Variants in EXOSC6 observed in about 807,000 individuals in gnomAD.
EXOSC6 encodes exosome complex component MTR3.
In EXOSC6, 21 loss-of-function variants were observed where a neutral mutation model predicts 16.7. The ratio of observed to expected loss-of-function variants is 1.26; its 90% CI spans 0.89 to 1.82. EXOSC6 has a LOEUF of 1.82. Ranked by LOEUF, EXOSC6 falls within the 40% of genes most tolerant of loss-of-function variation. EXOSC6 has a pLI of 0.00. For synonymous variants in EXOSC6, 297 were observed against 217.1 expected (o/e 1.37, Z -3.24); for missense variants, 538 against 415.7 (o/e 1.29, Z -2.56).
Position 70,250,891 on chromosome 16 carries a change from CT to C in EXOSC6, c.*190del. On this transcript the variant is annotated 3_prime_UTR_variant, in exon 1 of 1. Transcript: ENST00000435634. ...AGCTCCAGGGGCTGTTGAGTTTTGC[CT>C]TTATCATTCCAAGTAGTCCCTGCTC... is the stretch of plus-strand genomic sequence containing the variant. The C allele has an allele frequency of 1.6e-6, 1 of 638,444 alleles. No homozygotes were observed. 39.5% of individuals were successfully genotyped at this position (638,444 alleles called of 1,614,324 possible). A position where few individuals can be genotyped will look rare whatever the true frequency, so the allele number is the denominator to read the frequency against.
In EXOSC6 at chr16:70,251,847, C is replaced by T. The variant is rs753992975; in HGVS notation, c.54G>A (p.Gln18=). Residue 18 remains glutamine, a synonymous_variant, in exon 1 of 1, where the codon CAG becomes CAA. Coordinates refer to ENST00000435634, the MANE Select transcript of EXOSC6 (RefSeq NM_058219.3). The part of the protein sequence containing the change: ...IRGPEESQPP[Q]LYAADEEEAP... ...CCTCCTCCTCGTCGGCCGCGTACAGCTGCGGCGGCTGCGATTCTTCAGGGC... is the reference window on the plus strand; with the variant it reads ...CCTCCTCCTCGTCGGCCGCGTACAGTTGCGGCGGCTGCGATTCTTCAGGGC... The T allele has an allele frequency of 1.4e-5, 21 of 1,553,378 alleles. No homozygotes were observed. The highest frequency in any genetic ancestry group is 1.7e-5 in the Non-Finnish European group (20 of 1,160,068).
At position 70,248,651 on chromosome 16, in the gene EXOSC6, A is replaced by C. The variant is rs935921723; in HGVS notation, c.*2431T>G. ...GATAGGGTTGCCTATAATGGAGTGCAGTAGCTTGACCATAGCTCACTGTAG... is the reference window on the plus strand; with the variant it reads ...GATAGGGTTGCCTATAATGGAGTGCCGTAGCTTGACCATAGCTCACTGTAG... On this transcript the variant is annotated 3_prime_UTR_variant, in exon 1 of 1. Transcript: ENST00000435634. 5.9e-5 allele frequency: 9 copies of C among 152,070 alleles called. No individual in the cohort carries two copies. Among genetic ancestry groups the C allele is most frequent in the African/African-American group, 2.2e-4 (9 of 41,398 alleles). 9.4% of individuals were successfully genotyped at this position (152,070 alleles called of 1,614,324 possible). A position where few individuals can be genotyped will look rare whatever the true frequency, so the allele number is the denominator to read the frequency against.
In EXOSC6 at chr16:70,251,144, G is replaced by T. The variant is rs1469535817; in HGVS notation, c.757C>A (p.Pro253Thr). The T allele has an allele frequency of 6.5e-7, 1 of 1,538,426 alleles. No individual in the cohort carries two copies. The highest frequency in any genetic ancestry group is 2.6e-5 in the East Asian group (1 of 38,772). Residue 253 changes from proline to threonine, a missense_variant, in exon 1 of 1, where the codon CCC becomes ACC. Physicochemically the swap from Pro to Thr is conservative, Grantham distance 38. Transcript: ENST00000435634. ...LGLEGCQRLYPVLQQSLVRAA... is the reference protein window; with the variant it reads ...LGLEGCQRLYTVLQQSLVRAA... ...CGCACCAGGCTCTGCTGCAGCACGGGGTAGAGGCGCTGGCAGCCCTCGAGG... is the reference window on the plus strand; with the variant it reads ...CGCACCAGGCTCTGCTGCAGCACGGTGTAGAGGCGCTGGCAGCCCTCGAGG...
In EXOSC6 at chr16:70,249,366, C is replaced by G. The variant is rs1187442857; in HGVS notation, c.*1716G>C. 1 of 150,826 alleles carries G rather than the reference C, an allele frequency of 6.6e-6. No individual in the cohort carries two copies. The highest frequency in any genetic ancestry group is 1.9e-4 in the East Asian group (1 of 5,174). The allele number at this position is 150,826 out of a possible 1,614,324, so 9.3% of individuals were successfully genotyped here. On this transcript the variant is annotated 3_prime_UTR_variant, in exon 1 of 1. Coordinates refer to ENST00000435634, the MANE Select transcript of EXOSC6 (RefSeq NM_058219.3). ...TGAGCCGAGATCATGCCACTGCACT[C>G]CAGGCTGGACAACAGAGCAAGACTC...
Position 70,251,784 on chromosome 16 carries a change from C to T in EXOSC6, c.117G>A (p.Val39=), listed in dbSNP as rs554205982. The T allele has an allele frequency of 2.0e-6, 3 of 1,471,836 alleles. No individual in the cohort carries two copies. Among genetic ancestry groups the T allele is most frequent in the Non-Finnish European group, 1.8e-6 (2 of 1,122,548 alleles). The allele number at this position is 1,471,836 out of a possible 1,614,324, so 91.2% of individuals were successfully genotyped here. ...GTRDPTRLRP[V]YARAGLLSQA... is the part of the protein sequence containing the mutation. ...GGCTCAGCAGCCCGGCGCGCGCGTA[C>T]ACGGGCCGTAGCCGCGTTGGGTCGC... The change falls in exon 1 of 1, where the codon GTG becomes GTA. Residue 39 remains valine (V), a synonymous_variant. Coordinates refer to ENST00000435634, the MANE Select transcript of EXOSC6 (RefSeq NM_058219.3).
chr16:70,251,546 C>T lies in EXOSC6; in HGVS notation c.355G>A (p.Glu119Lys). The T allele has an allele frequency of 2.5e-6, 3 of 1,201,854 alleles. No individual in the cohort carries two copies. Among genetic ancestry groups the T allele is most frequent in the Non-Finnish European group, 3.1e-6 (3 of 967,828 alleles). The allele number at this position is 1,201,854 out of a possible 1,614,324, so 74.4% of individuals were successfully genotyped here. Residue 119 changes from glutamate to lysine, a missense_variant, in exon 1 of 1, where the codon GAG (glutamate) becomes AAG (lysine). By Grantham distance (56) the Glu-to-Lys change is moderately conservative (BLOSUM62 1). Coordinates refer to ENST00000435634, the MANE Select transcript of EXOSC6 (RefSeq NM_058219.3). ...RRRAPPGGCE[E>K]RELALALQEA... ...TGCAGCGCCAGCGCCAGCTCACGCT[C>T]CTCGCAGCCGCCCGGGGGAGCGCGG...
rs537566605 is a variant in EXOSC6, at chr16:70,251,525, G to T, written c.376C>A (p.Leu126Met). ...GCEERELALALQEALEPAVRL... is the reference protein window; with the variant it reads ...GCEERELALAMQEALEPAVRL... ...ACAGCCGGCTCCAGCGCCTCCTGCA[G>T]CGCCAGCGCCAGCTCACGCTCCTCG... Residue 126 changes from leucine (L) to methionine (M), a missense_variant, in exon 1 of 1, where the codon CTG becomes ATG. Leu to Met is a conservative substitution (Grantham distance 15). Transcript: ENST00000435634. 3 of 1,243,982 alleles carry T rather than the reference G, an allele frequency of 2.4e-6. No individual in the cohort carries two copies. The highest frequency in any genetic ancestry group is 2.6e-5 in the South Asian group (1 of 37,946). The allele number at this position is 1,243,982 out of a possible 1,614,324, so 77.1% of individuals were successfully genotyped here. A position where few individuals can be genotyped will look rare whatever the true frequency, so the allele number is the denominator to read the frequency against.
At position 70,251,311 on chromosome 16, in the gene EXOSC6, A is replaced by C. The variant is rs944342016; in HGVS notation, c.590T>G (p.Leu197Arg). ...LAPGPAPTWL[L>R]DPTRLEEERA... is the part of the protein sequence containing the mutation. ...CTCTTCCTCGAGCCGCGTGGGGTCC[A>C]GGAGCCAGGTGGGCGCGGGCCCCGG... Residue 197 changes from leucine (L) to arginine (R), a missense_variant, in exon 1 of 1, where the codon CTG becomes CGG. Coordinates refer to ENST00000435634, the MANE Select transcript of EXOSC6 (RefSeq NM_058219.3). 2.9e-6 allele frequency: 4 copies of C among 1,401,330 alleles called. No homozygotes were observed. The African/African-American group carries it at 6.0e-5, about 21-fold the overall frequency. The allele number at this position is 1,401,330 out of a possible 1,614,324, so 86.8% of individuals were successfully genotyped here.
In EXOSC6 at chr16:70,248,504, G is replaced by C. The variant is rs1014349267; in HGVS notation, c.*2578C>G. On this transcript the variant is annotated 3_prime_UTR_variant, in exon 1 of 1. Transcript: ENST00000435634. ...GAAAATGTTCATAATTATGCATGCAGAATAAGCCCAAGCTGGTGGCATTCT... is the reference window on the plus strand; with the variant it reads ...GAAAATGTTCATAATTATGCATGCACAATAAGCCCAAGCTGGTGGCATTCT... The C allele has an allele frequency of 5.3e-5, 8 of 152,272 alleles. No homozygotes were observed. Among genetic ancestry groups the C allele is most frequent in the Admixed American group, 4.6e-4 (7 of 15,292 alleles). The allele number at this position is 152,272 out of a possible 1,614,324, so 9.4% of individuals were successfully genotyped here. A position where few individuals can be genotyped will look rare whatever the true frequency, so the allele number is the denominator to read the frequency against.
Position 70,247,087 on chromosome 16 carries a change from T to C in EXOSC6, c.*3995A>G. 3.0e-6 allele frequency: 1 copy of C among 334,046 alleles called. No homozygotes were observed. The highest frequency in any genetic ancestry group is 5.7e-6 in the Non-Finnish European group (1 of 175,272). 20.7% of individuals were successfully genotyped at this position (334,046 alleles called of 1,614,324 possible). A position where few individuals can be genotyped will look rare whatever the true frequency, so the allele number is the denominator to read the frequency against. On this transcript the variant is annotated 3_prime_UTR_variant, in exon 1 of 1. Transcript: ENST00000435634. ...ACCAAGAAAAATAGATTCTGTAGTT[T>C]TAGTTAAAAAAAAAATTGACTTGTA...
At position 70,251,520 on chromosome 16, in the gene EXOSC6, CT is replaced by C; in HGVS notation, c.380del (p.Gln127ArgfsTer93). On this transcript the variant is annotated frameshift_variant, in exon 1 of 1. Transcript: ENST00000435634. LOFTEE classifies it high-confidence loss of function. ...CEERELALAL[Q>X]EALEPAVRLG... ...GGCGCACAGCCGGCTCCAGCGCCTC[CT>C]GCAGCGCCAGCGCCAGCTCACGCTC... The C allele has an allele frequency of 7.9e-7, 1 of 1,258,508 alleles. No individual in the cohort carries two copies. Among genetic ancestry groups the C allele is most frequent in the Non-Finnish European group, 1.0e-6 (1 of 998,798 alleles). 78.0% of individuals were successfully genotyped at this position (1,258,508 alleles called of 1,614,324 possible). A position where few individuals can be genotyped will look rare whatever the true frequency, so the allele number is the denominator to read the frequency against.
In EXOSC6 at chr16:70,249,719, G is replaced by A. The variant is rs1959764550; in HGVS notation, c.*1363C>T. 2 of 152,290 alleles carry A rather than the reference G, an allele frequency of 1.3e-5. No homozygotes were observed. Among genetic ancestry groups the A allele is most frequent in the South Asian group, 2.1e-4 (1 of 4,822 alleles). The allele number at this position is 152,290 out of a possible 1,614,324, so 9.4% of individuals were successfully genotyped here. On this transcript the variant is annotated 3_prime_UTR_variant, in exon 1 of 1. Coordinates refer to ENST00000435634, the MANE Select transcript of EXOSC6 (RefSeq NM_058219.3). Reference sequence around the variant, plus strand: ...AAATCTTATAACTTTGGGAGGCTGAGGCAGATGGATCACTGAGATCAGGAG... The same window carrying A: ...AAATCTTATAACTTTGGGAGGCTGAAGCAGATGGATCACTGAGATCAGGAG...
Position 70,251,415 on chromosome 16 carries a change from G to A in EXOSC6, c.486C>T (p.Leu162=). 1 of 1,337,920 alleles carries A rather than the reference G, an allele frequency of 7.5e-7. No individual in the cohort carries two copies. The highest frequency in any genetic ancestry group is 9.5e-7 in the Non-Finnish European group (1 of 1,051,362). 82.9% of individuals were successfully genotyped at this position (1,337,920 alleles called of 1,614,324 possible). The stretch of plus-strand genomic sequence containing the variant: ...CGGCCAGGGCGAGCGCGGCGGCGGT[G>A]AGCGCGGCGGCCAGGGCCGAGCCAC... ...EDGGSALAAA[L]TAAALALADA... Residue 162 remains leucine, a synonymous_variant, in exon 1 of 1, where the codon CTC becomes CTT. Transcript: ENST00000435634.
In EXOSC6 at chr16:70,248,771, C is replaced by CTTTTT. The variant is rs35401075; in HGVS notation, c.*2306_*2310dup. ...CACCATGCCTGACTTATTTTTTTTC[C>CTTTTT]TTTTTTTTTTTTTTTTTTTTTTTTG... On this transcript the variant is annotated 3_prime_UTR_variant, in exon 1 of 1. Coordinates refer to ENST00000435634, the MANE Select transcript of EXOSC6 (RefSeq NM_058219.3). The CTTTTT allele has an allele frequency of 2.9e-4, 28 of 98,112 alleles. No homozygotes were observed. Among genetic ancestry groups the CTTTTT allele is most frequent in the African/African-American group, 3.7e-4 (11 of 29,466 alleles). 6.1% of individuals were successfully genotyped at this position (98,112 alleles called of 1,614,324 possible).
Position 70,250,987 on chromosome 16 carries a change from TC to T in EXOSC6, c.*94del, listed in dbSNP as rs1407660403. 4.3e-6 allele frequency: 6 copies of T among 1,394,988 alleles called. No homozygotes were observed. In the African/African-American group the frequency reaches 9.0e-5, roughly 21 times the overall value. 86.4% of individuals were successfully genotyped at this position (1,394,988 alleles called of 1,614,324 possible). A position where few individuals can be genotyped will look rare whatever the true frequency, so the allele number is the denominator to read the frequency against. On this transcript the variant is annotated 3_prime_UTR_variant, in exon 1 of 1. Coordinates refer to ENST00000435634, the MANE Select transcript of EXOSC6 (RefSeq NM_058219.3). The stretch of plus-strand genomic sequence containing the variant: ...GTCATATCAGGGCCCTTCCAGGAAT[TC>T]TCGACGCAAACTGGAGGCCGATGGC...
In EXOSC6 at chr16:70,251,501, C is replaced by T; in HGVS notation, c.400G>A (p.Val134Met). The change falls in exon 1 of 1, where the codon GTG becomes ATG. Residue 134 changes from valine (V) to methionine (M), a missense_variant. By Grantham distance (21) the Val-to-Met change is conservative (BLOSUM62 1). Transcript: ENST00000435634. Reference sequence around the variant, plus strand: ...GCGCGCGGGTAGCGGCCCAGGCGCACAGCCGGCTCCAGCGCCTCCTGCAGC... The same window carrying T: ...GCGCGCGGGTAGCGGCCCAGGCGCATAGCCGGCTCCAGCGCCTCCTGCAGC... Reference protein sequence around the residue: ...LALQEALEPAVRLGRYPRAQL... With the variant: ...LALQEALEPAMRLGRYPRAQL... 1 of 1,288,830 alleles carries T rather than the reference C, an allele frequency of 7.8e-7. No homozygotes were observed. Among genetic ancestry groups the T allele is most frequent in the Non-Finnish European group, 9.8e-7 (1 of 1,015,298 alleles). The allele number at this position is 1,288,830 out of a possible 1,614,324, so 79.8% of individuals were successfully genotyped here.
chr16:70,251,696 G>C lies in EXOSC6; in HGVS notation c.205C>G (p.Pro69Ala), dbSNP rs1456400773. The change falls in exon 1 of 1, where the codon CCG becomes GCG. Residue 69 changes from proline to alanine, a missense_variant. Pro to Ala is a conservative substitution (Grantham distance 27, BLOSUM62 -1). Transcript: ENST00000435634. ...GTKVLCAVSG[P>A]RQAEGGERGG... Reference sequence around the variant, plus strand: ...CGCTCGCCGCCCTCGGCCTGTCGCGGGCCCGACACGGCACACAGCACCTTG... The same window carrying C: ...CGCTCGCCGCCCTCGGCCTGTCGCGCGCCCGACACGGCACACAGCACCTTG... The C allele has an allele frequency of 3.1e-6, 4 of 1,297,082 alleles. No individual in the cohort carries two copies. The highest frequency in any genetic ancestry group is 1.9e-6 in the Non-Finnish European group (2 of 1,026,838). The allele number at this position is 1,297,082 out of a possible 1,614,324, so 80.3% of individuals were successfully genotyped here. A position where few individuals can be genotyped will look rare whatever the true frequency, so the allele number is the denominator to read the frequency against.
Position 70,251,863 on chromosome 16 carries a change from T to G in EXOSC6, c.38A>C (p.Glu13Ala). The change falls in exon 1 of 1, where the codon GAA (glutamate) becomes GCA (alanine). Residue 13 changes from glutamate (E) to alanine (A), a missense_variant. Glu to Ala is a moderately radical substitution (Grantham distance 107). Coordinates refer to ENST00000435634, the MANE Select transcript of EXOSC6 (RefSeq NM_058219.3). ...GDHRRIRGPE[E>A]SQPPQLYAAD... Reference sequence around the variant, plus strand: ...CGCGTACAGCTGCGGCGGCTGCGATTCTTCAGGGCCGCGGATGCGGCGGTG... The same window carrying G: ...CGCGTACAGCTGCGGCGGCTGCGATGCTTCAGGGCCGCGGATGCGGCGGTG... 2 of 1,552,814 alleles carry G rather than the reference T, an allele frequency of 1.3e-6. No individual in the cohort carries two copies. The highest frequency in any genetic ancestry group is 1.7e-6 in the Non-Finnish European group (2 of 1,159,890).
rs757338425 is a variant in EXOSC6 at position 70,251,493 on chromosome 16, C to G, written c.408G>C (p.Leu136=). 1 of 1,308,818 alleles carries G rather than the reference C, an allele frequency of 7.6e-7. No individual in the cohort carries two copies. Among genetic ancestry groups the G allele is most frequent in the South Asian group, 2.0e-5 (1 of 49,164 alleles). 81.1% of individuals were successfully genotyped at this position (1,308,818 alleles called of 1,614,324 possible). A position where few individuals can be genotyped will look rare whatever the true frequency, so the allele number is the denominator to read the frequency against. Residue 136 remains leucine, a synonymous_variant, in exon 1 of 1, where the codon CTG becomes CTC. Transcript: ENST00000435634. ...CGAGCTGCGCGCGCGGGTAGCGGCC[C>G]AGGCGCACAGCCGGCTCCAGCGCCT... ...LQEALEPAVR[L]GRYPRAQLEV...
Sources: gnomAD v4.1 joint callset for allele counts on GRCh38, gnomAD v4.1.1 for gene constraint, MANE v1.5 for transcripts, NCBI Gene and HGNC (gene_info 2026-07-23, HGNC 2026-07-21) for gene names.